PLCL1: variants seen among roughly 807,000 people sequenced by gnomAD.
PLCL1 encodes the protein phospholipase C like 1 (inactive).
Under a neutral mutation model 84.4 loss-of-function variants are expected in PLCL1, and 41 were observed. The ratio of observed to expected loss-of-function variants is 0.49; its 90% CI spans 0.38 to 0.63. The LOEUF (loss-of-function observed/expected upper bound fraction) is 0.63, where lower values mean the gene tolerates loss of function less well. PLCL1 is among the 30% of genes least tolerant of loss of function. The probability of loss-of-function intolerance (pLI) is 0.00; values close to 1 mark genes in which losing one functional copy is unlikely to be tolerated. For synonymous variants in PLCL1, 490 were observed against 488.3 expected (o/e 1.00, Z -0.05); for missense variants, 1,206 against 1,367.8 (o/e 0.88, Z 1.87).
intron 1 of PLCL1, among the ~76,000 whole-genome samples, chr2:197,930,440 G>A (rs1559048389): frequency 6.6e-6 from 1 of 152,106 alleles, no homozygotes; most frequent in Non-Finnish European, 1.5e-5. Context: ...AAGATCTTTG[G>A]GTTCTTTTAT....
chr2:198,034,044 G>A (rs138949409), intron 1 of PLCL1, among the ~76,000 whole-genome samples: 81 of 151,926 alleles, frequency 5.3e-4, no homozygotes, highest in African/African-American at 1.8e-3. Flanking sequence ...TGTGCACAAC[G>A]TGCAGGTTTG....
intron 1 of PLCL1, among the ~76,000 whole-genome samples, chr2:197,827,323 A>G (rs562647342): frequency 1.3e-5 from 2 of 152,198 alleles, no homozygotes; most frequent in East Asian, 3.9e-4. Context: ...TACTTCTCAC[A>G]TTCCAGTTTA....
chr2:198,102,514 T>C (rs946915002), intron 4 of PLCL1, among the ~76,000 whole-genome samples: 5 of 152,030 alleles, frequency 3.3e-5, no homozygotes, highest in African/African-American at 9.7e-5. Flanking sequence ...AGGAGAATGG[T>C]GGTAGATCCC....
At chr2:198,035,502 T>A (rs1002287947) in intron 1 of PLCL1, among the ~76,000 whole-genome samples, 1 of 152,166 alleles carries the variant, frequency 6.6e-6, no homozygotes, top group Non-Finnish European at 1.5e-5. Context: ...TGTTTTTGGT[T>A]TTTTTCCATT....
At chr2:197,953,191 C>T (rs767093287) in intron 1 of PLCL1, among the ~76,000 whole-genome samples, 2 of 152,044 alleles carry the variant, frequency 1.3e-5, no homozygotes, top group African/African-American at 4.8e-5. Flanking sequence ...AGATGTAACT[C>T]GGGTTTGCTG....
chr2:198,126,349 A>G (rs1693984595), intron 5 of PLCL1, among the ~76,000 whole-genome samples: 1 of 152,166 alleles, frequency 6.6e-6, no homozygotes, highest in Non-Finnish European at 1.5e-5. Flanking sequence ...TGCCTGTCCT[A>G]CAAAAAAAGC....
At chr2:198,015,139 C>T (rs925612376) in intron 1 of PLCL1, among the ~76,000 whole-genome samples, 1 of 152,110 alleles carries the variant, frequency 6.6e-6, no homozygotes, top group African/African-American at 2.4e-5. Context: ...TCTATTTCAT[C>T]AAATCTCAAA....
intron 1 of PLCL1, among the ~76,000 whole-genome samples, chr2:197,938,505 A>G (rs906216388): frequency 3.3e-5 from 5 of 152,164 alleles, no homozygotes; most frequent in African/African-American, 9.7e-5. Flanking sequence ...TTATCCCTCA[A>G]ATAATATCCA....
At chr2:198,022,097 C>T (rs917880101) in intron 1 of PLCL1, among the ~76,000 whole-genome samples, 45 of 152,254 alleles carry the variant, frequency 3.0e-4, no homozygotes, top group Non-Finnish European at 4.6e-4. Flanking sequence ...AATCAATTAA[C>T]GTAATCCATC....
chr2:197,987,026 C>T (rs1690233492), intron 1 of PLCL1, among the ~76,000 whole-genome samples: 1 of 152,194 alleles, frequency 6.6e-6, no homozygotes, highest in Admixed American at 6.5e-5. Context: ...GACTTCATAT[C>T]CCATGTTTTC....
At chr2:197,882,675 A>C (rs1269609112) in intron 1 of PLCL1, among the ~76,000 whole-genome samples, 1 of 152,226 alleles carries the variant, frequency 6.6e-6, no homozygotes, top group Non-Finnish European at 1.5e-5. Flanking sequence ...AAATAAAAAC[A>C]AGAATAAAAA....
intron 1 of PLCL1, among the ~76,000 whole-genome samples, chr2:197,867,475 C>G (rs1197995722): frequency 6.6e-6 from 1 of 151,796 alleles, no homozygotes; most frequent in African/African-American, 2.4e-5. Flanking sequence ...TCGAGGAGTA[C>G]TTGGCAAAAT....
In PLCL1 at chr2:197,857,300, G is replaced by C. The variant is rs141946992; in HGVS notation, c.240+51961G>C. 7.9e-3 allele frequency among the ~76,000 whole-genome samples: 1,198 copies of C among 152,024 alleles called. 17 individuals carry two copies. Among genetic ancestry groups the C allele is most frequent in the African/African-American group, 0.028 (1,151 of 41,462 alleles). On this transcript the variant is annotated intron_variant, in intron 1 of 5. Coordinates refer to ENST00000428675, the MANE Select transcript of PLCL1 (RefSeq NM_006226.4). ...TCCTGCATTCTTTTCTCTATACCAG[G>C]CTGCCTGGCATGCTTTTAAATCACC...
At chr2:197,824,685 GC>G (rs1438311180) in intron 1 of PLCL1, among the ~76,000 whole-genome samples, 2 of 139,170 alleles carry the variant, frequency 1.4e-5, no homozygotes, top group Non-Finnish European at 3.0e-5. Context: ...CTGCACTCCA[GC>G]CCGGGCAACA....
chr2:197,936,949 G>A (rs941942382), intron 1 of PLCL1, among the ~76,000 whole-genome samples: 2 of 152,062 alleles, frequency 1.3e-5, no homozygotes, highest in African/African-American at 4.8e-5. Context: ...GCTTTGAGTT[G>A]CTTTTTGAAT....
intron 1 of PLCL1, among the ~76,000 whole-genome samples, chr2:198,025,911 G>A (rs1691253261): frequency 6.6e-6 from 1 of 152,210 alleles, no homozygotes; most frequent in African/African-American, 2.4e-5. Context: ...TAGGTGACTT[G>A]CTGTGGAGCC....
intron 1 of PLCL1, among the ~76,000 whole-genome samples, chr2:197,978,504 CAA>C (rs1026720311): frequency 1.3e-5 from 2 of 151,866 alleles, no homozygotes; most frequent in African/African-American, 2.4e-5. Flanking sequence ...AGCAAACAAA[CAA>C]AAAAAGAGTT....
chr2:198,134,499 T>G (rs1377800498), intron 5 of PLCL1, among the ~76,000 whole-genome samples: 1 of 152,136 alleles, frequency 6.6e-6, no homozygotes, highest in Admixed American at 6.6e-5. Flanking sequence ...TGCTAATAAC[T>G]CTTTGGCCAC....
intron 1 of PLCL1, among the ~76,000 whole-genome samples, chr2:198,027,899 T>A (rs930491176): frequency 6.6e-6 from 1 of 152,110 alleles, no homozygotes. Flanking sequence ...GTGGTGCAAA[T>A]CATAGCTCAC....
Sources: allele counts gnomAD v4.1 joint callset (sites outside exome capture counted in the v4.1 genomes callset), GRCh38; gene constraint gnomAD v4.1.1; transcripts MANE v1.5; gene names NCBI Gene and HGNC (gene_info 2026-07-23, HGNC 2026-07-21).